The following PCDHA8 variants were observed in gnomAD, a reference collection of about 807,000 sequenced individuals.
The protein encoded by PCDHA8 is protocadherin alpha-8.
Under a neutral mutation model 61.8 loss-of-function variants are expected in PCDHA8, and 53 were observed. That is an observed-to-expected ratio of 0.86 (90% CI 0.69 to 1.08). The LOEUF (loss-of-function observed/expected upper bound fraction) is 1.08. PCDHA8 is among the 50% of genes least tolerant of loss of function. PCDHA8 has a pLI of 0.00. For synonymous variants in PCDHA8, 618 were observed against 556.6 expected (o/e 1.11, Z -1.55); for missense variants, 1,293 against 1,245.0 (o/e 1.04, Z -0.58).
chr5:140,948,349 T>C (rs1262551459), intron 1 of PCDHA8, among the ~76,000 whole-genome samples: 2 of 151,624 alleles, frequency 1.3e-5, no homozygotes, highest in African/African-American at 4.8e-5. Context: ...ATTTCTAACC[T>C]AATAAAATGA....
intron 1 of PCDHA8, among the ~76,000 whole-genome samples, chr5:140,897,367 T>C (rs1554187348): frequency 8.0e-6 from 1 of 125,642 alleles, no homozygotes; most frequent in East Asian, 2.4e-4. Flanking sequence ...CAGAGTGTGA[T>C]GTTCCCTTCC....
At chr5:140,953,419 C>T (rs2094885258) in intron 1 of PCDHA8, among the ~76,000 whole-genome samples, 2 of 152,134 alleles carry the variant, frequency 1.3e-5, no homozygotes, top group Admixed American at 1.3e-4. Context: ...GGCTCCTCCC[C>T]TTTGTCCTTA....
At chr5:140,923,423 G>A (rs533295733) in intron 1 of PCDHA8, among the ~76,000 whole-genome samples, 1 of 152,142 alleles carries the variant, frequency 6.6e-6, no homozygotes. Context: ...GGCTACTTGG[G>A]AGGCTGGGGT....
intron 1 of PCDHA8, among the ~76,000 whole-genome samples, chr5:140,937,163 G>A (rs1169573071): frequency 2.0e-5 from 3 of 150,028 alleles, no homozygotes; most frequent in East Asian, 4.0e-4. Flanking sequence ...TCAGCCTCCC[G>A]AGTAGCTGGG....
intron 1 of PCDHA8, chr5:140,852,597 C>A (rs1410004907): frequency 2.6e-5 from 23 of 879,650 alleles, no homozygotes; most frequent in Non-Finnish European, 2.9e-5. Flanking sequence ...TTTTTTTTGT[C>A]ATTTTCTTTC....
intron 1 of PCDHA8, among the ~76,000 whole-genome samples, chr5:140,902,203 C>CTTTTTTT (rs148688132): frequency 6.4e-5 from 8 of 124,436 alleles, no homozygotes; most frequent in African/African-American, 9.3e-5. Flanking sequence ...CTCTCTCTTT[C>CTTTTTTT]TTTTTTTTTT....
chr5:140,946,297 T>C (rs1238627119), intron 1 of PCDHA8, among the ~76,000 whole-genome samples: 5 of 151,730 alleles, frequency 3.3e-5, no homozygotes, highest in Non-Finnish European at 7.4e-5. Flanking sequence ...ACCTCACACC[T>C]GGTAGAATGG....
intron 1 of PCDHA8, chr5:140,928,243 G>A: frequency 6.2e-7 from 1 of 1,614,202 alleles, no homozygotes; most frequent in South Asian, 1.1e-5. Flanking sequence ...ACCCCAGCAG[G>A]AACTTTTCGT....
At chr5:140,858,549 G>C in intron 1 of PCDHA8, 1 of 1,394,430 alleles carries the variant, frequency 7.2e-7, no homozygotes, top group South Asian at 1.2e-5. Context: ...TTCCATTTAT[G>C]CTTGAATATT....
intron 1 of PCDHA8, among the ~76,000 whole-genome samples, chr5:140,872,205 A>AT (rs1554166067): frequency 6.6e-6 from 1 of 151,936 alleles, no homozygotes; most frequent in Non-Finnish European, 1.5e-5. Context: ...TCATAAATTC[A>AT]TTATATATGA....
rs782516369 is a variant in PCDHA8 at position 140,857,545 on chromosome 5, C to T, written c.2394+13830C>T. The T allele has an allele frequency of 1.9e-6, 3 of 1,596,810 alleles. 1 individual carries two copies. The highest frequency in any genetic ancestry group is 1.1e-5 in the South Asian group (1 of 90,486). On this transcript the variant is annotated intron_variant, in intron 1 of 3. Transcript: ENST00000531613. ...ACTCTCTGGTGGAGCGGCGGTTGGGCGAGCGCTCGCTGTCGAGCTACGTGT... is the reference window on the plus strand; with the variant it reads ...ACTCTCTGGTGGAGCGGCGGTTGGGTGAGCGCTCGCTGTCGAGCTACGTGT...
At chr5:140,909,360 T>C (rs2074454382) in intron 1 of PCDHA8, among the ~76,000 whole-genome samples, 1 of 152,222 alleles carries the variant, frequency 6.6e-6, no homozygotes, top group South Asian at 2.1e-4. Flanking sequence ...ATGTGTTAAT[T>C]TGTTCAAGCA....
chr5:140,927,959 G>A lies in PCDHA8; in HGVS notation c.2395-50990G>A. On this transcript the variant is annotated intron_variant, in intron 1 of 3. Transcript: ENST00000531613. ...CCAGTACCTGAGGACGCTGCCCCTG[G>A]CACAGTGATTGCTCTCTTTAGTGTA... 1 of 1,614,190 alleles carries A rather than the reference G, an allele frequency of 6.2e-7. No individual in the cohort carries two copies. Among genetic ancestry groups the A allele is most frequent in the East Asian group, 2.2e-5 (1 of 44,886 alleles).
At chr5:140,990,288 C>T (rs537252814) in intron 3 of PCDHA8, among the ~76,000 whole-genome samples, 1 of 152,226 alleles carries the variant, frequency 6.6e-6, no homozygotes, top group South Asian at 2.1e-4. Context: ...TTGAGATTAT[C>T]GATGCCATTG....
At chr5:140,945,630 A>C (rs1445072054) in intron 1 of PCDHA8, among the ~76,000 whole-genome samples, 1 of 152,166 alleles carries the variant, frequency 6.6e-6, no homozygotes, top group African/African-American at 2.4e-5. Context: ...CTGGCATAAA[A>C]GACATGTAGA....
At chr5:140,986,738 G>T (rs1483741648) in intron 3 of PCDHA8, among the ~76,000 whole-genome samples, 1 of 152,168 alleles carries the variant, frequency 6.6e-6, no homozygotes, top group Admixed American at 6.5e-5. Flanking sequence ...AAGACCCCAG[G>T]GGATCTGGGA....
intron 1 of PCDHA8, among the ~76,000 whole-genome samples, chr5:140,885,025 T>A (rs2060432297): frequency 6.6e-6 from 1 of 152,228 alleles, no homozygotes; most frequent in Non-Finnish European, 1.5e-5. Context: ...ATCTTAAATT[T>A]AAAAAATTTT....
rs1554202548 is a variant in PCDHA8 at position 140,925,108 on chromosome 5, G to GGAAGGAAGGAAGGAAGGAAGGAAGGAA, written c.2395-53840_2395-53839insAAGGAAGGAAGGAAGGAAGGAAGGAAG. On this transcript the variant is annotated intron_variant, in intron 1 of 3. Transcript: ENST00000531613. ...AAGGAAGGAAGGAAGGAAGGAAGGA[G>GGAAGGAAGGAAGGAAGGAAGGAAGGAA]GGAAGGAAGGAAGGAAAAAAAATTT... Among the ~76,000 whole-genome samples, 52 of 124,778 alleles carry GGAAGGAAGGAAGGAAGGAAGGAAGGAA rather than the reference G, an allele frequency of 4.2e-4. No individual in the cohort carries two copies. The Middle Eastern group carries it at 0.013, about 31-fold the overall frequency. The allele number at this position is 124,778 out of a possible 152,430, so 81.9% of individuals were successfully genotyped here. A position where few individuals can be genotyped will look rare whatever the true frequency, so the allele number is the denominator to read the frequency against.
intron 3 of PCDHA8, among the ~76,000 whole-genome samples, chr5:140,983,718 T>C (rs2097062684): frequency 6.6e-6 from 1 of 152,248 alleles, no homozygotes; most frequent in South Asian, 2.1e-4. Context: ...CTAGCACTTA[T>C]ATTCATAACA....
Sources: gnomAD v4.1 joint callset for allele counts (sites outside exome capture counted in the v4.1 genomes callset) on GRCh38, gnomAD v4.1.1 for gene constraint, MANE v1.5 for transcripts, NCBI Gene and HGNC (gene_info 2026-07-23, HGNC 2026-07-21) for gene names.